CREB5: variants seen among roughly 807,000 people sequenced by gnomAD.
CREB5 encodes the protein cyclic AMP-responsive element-binding protein 5.
Under a neutral mutation model 57.1 loss-of-function variants are expected in CREB5, and 19 were observed. That is an observed-to-expected ratio of 0.33 (90% CI 0.23 to 0.49). The LOEUF (loss-of-function observed/expected upper bound fraction) is 0.49, where lower values mean the gene tolerates loss of function less well. Among genes scored for constraint, CREB5 ranks in the 20% least tolerant of loss-of-function variants. The pLI, the probability that CREB5 is intolerant of heterozygous loss-of-function variation, is 0.99. For missense variants in CREB5, 579 were observed against 671.6 expected, an observed-to-expected ratio of 0.86 and a Z score of 1.52; for synonymous variants, 238 against 238.3, an observed-to-expected ratio of 1.00 and a Z score of 0.01.
rs75179420 is a variant in CREB5, at chr7:28,532,255, G to A, written c.291+24518G>A. Among the ~76,000 whole-genome samples the A allele has an allele frequency of 4.2e-4, 64 of 152,170 alleles. No individual in the cohort carries two copies. In the East Asian group the frequency reaches 0.012, roughly 28 times the overall value. On this transcript the variant is annotated intron_variant, in intron 4 of 10. Transcript: ENST00000357727. Reference sequence around the variant, plus strand: ...TCTTGGAAGCAGATCCTCCAGTCCCGGTCAAACCTTCAGATGAATATAGCC... The same window carrying A: ...TCTTGGAAGCAGATCCTCCAGTCCCAGTCAAACCTTCAGATGAATATAGCC...
chr7:28,815,058 G>T (rs554244751), intron 9 of CREB5, among the ~76,000 whole-genome samples: 1 of 152,266 alleles, frequency 6.6e-6, no homozygotes, highest in African/African-American at 2.4e-5. Context: ...ATCACTTGAG[G>T]CCAGGAGTTC....
chr7:28,548,198 C>T (rs944126637), intron 4 of CREB5, among the ~76,000 whole-genome samples: 11 of 152,044 alleles, frequency 7.2e-5, no homozygotes, highest in East Asian at 1.9e-4. Context: ...AACATTGGGC[C>T]ATTGGTGGGA....
rs780257117 is a variant in CREB5, at chr7:28,804,485, C to T, written c.989C>T (p.Ser330Leu). The T allele has an allele frequency of 2.5e-6, 4 of 1,614,138 alleles. No individual in the cohort carries two copies. The highest frequency in any genetic ancestry group is 2.5e-6 in the Non-Finnish European group (3 of 1,180,012). Residue 330 changes from serine (S) to leucine (L), a missense_variant, in exon 8 of 11, where the codon TCG becomes TTG. Around this residue, in one of 3 missense-constraint regions of CREB5, gnomAD observed 459 missense variants for 515.7 expected, o/e 0.89. Transcript: ENST00000357727. ...LHAHPAHHQT[S>L]PHPPLHTGNQ... Reference sequence around the variant, plus strand: ...GCACACCCAGCACATCACCAGACCTCGCCACATCCGCCCCTGCACACCGGC... The same window carrying T: ...GCACACCCAGCACATCACCAGACCTTGCCACATCCGCCCCTGCACACCGGC...
At chr7:28,580,423 C>G (rs1038892908) in intron 5 of CREB5, among the ~76,000 whole-genome samples, 12 of 87,298 alleles carry the variant, frequency 1.4e-4, no homozygotes, top group African/African-American at 5.0e-4. Flanking sequence ...TCCCAATCCC[C>G]CCCCACCACA....
Position 28,718,832 on chromosome 7 carries a change from A to T in CREB5, c.544A>T (p.Thr182Ser). ...GCCCATGCCAGCCTCCATGCCTGGG[A>T]CCCTGCCCAACCCTACAATGCCAGG... ...RQPMPASMPG[T>S]LPNPTMPGSS... is the part of the protein sequence containing the mutation. The change falls in exon 6 of 11, where the codon ACC becomes TCC. Residue 182 changes from threonine (T) to serine (S), a missense_variant. Thr to Ser is a moderately conservative substitution (Grantham distance 58). This residue lies in a region of CREB5 where 459 missense variants were observed against 515.7 expected (regional missense o/e 0.89). Coordinates refer to ENST00000357727, the MANE Select transcript of CREB5 (RefSeq NM_182898.4). The T allele has an allele frequency of 6.2e-7, 1 of 1,613,508 alleles. No individual in the cohort carries two copies. The highest frequency in any genetic ancestry group is 1.1e-5 in the South Asian group (1 of 91,038).
chr7:28,634,577 C>A (rs998265689), intron 5 of CREB5, among the ~76,000 whole-genome samples: 1 of 152,126 alleles, frequency 6.6e-6, no homozygotes. Context: ...CAAGCCCTCC[C>A]CTGTGTATCA....
chr7:28,764,922 C>A (rs924604047), intron 7 of CREB5, among the ~76,000 whole-genome samples: 3 of 152,134 alleles, frequency 2.0e-5, no homozygotes, highest in African/African-American at 7.2e-5. Context: ...TCTTAGGTGA[C>A]CACAGTTTTG....
intron 1 of CREB5, among the ~76,000 whole-genome samples, chr7:28,300,082 AT>A (rs1785074715): frequency 6.9e-6 from 1 of 144,358 alleles, no homozygotes; most frequent in Non-Finnish European, 1.5e-5. Context: ...TTATTTATTT[AT>A]TTATTTATTT....
At chr7:28,521,770 T>A (rs1281245023) in intron 4 of CREB5, among the ~76,000 whole-genome samples, 1 of 152,132 alleles carries the variant, frequency 6.6e-6, no homozygotes, top group Non-Finnish European at 1.5e-5. Flanking sequence ...AGAAGGGCTG[T>A]TTTTAAGTGC....
At chr7:28,655,365 G>A (rs1305374969) in intron 5 of CREB5, among the ~76,000 whole-genome samples, 1 of 152,182 alleles carries the variant, frequency 6.6e-6, no homozygotes, top group Non-Finnish European at 1.5e-5. Flanking sequence ...CTAGCCCTTT[G>A]GGAGGCCTAG....
intron 1 of CREB5, among the ~76,000 whole-genome samples, chr7:28,303,592 T>A (rs1785138199): frequency 6.6e-6 from 1 of 152,224 alleles, no homozygotes; most frequent in Admixed American, 6.5e-5. Context: ...CACAAATATT[T>A]GCATGGTTGC....
In CREB5 at chr7:28,824,366, T is replaced by C. The variant is rs1809949936; in HGVS notation, c.*5087T>C. 1 of 152,686 alleles carries C rather than the reference T, an allele frequency of 6.5e-6. No individual in the cohort carries two copies. The highest frequency in any genetic ancestry group is 2.4e-5 in the African/African-American group (1 of 41,482). The allele number at this position is 152,686 out of a possible 1,614,324, so 9.5% of individuals were successfully genotyped here. On this transcript the variant is annotated 3_prime_UTR_variant, in exon 11 of 11. Transcript: ENST00000357727. Reference sequence around the variant, plus strand: ...TGTCCTGAATAAGCCAGGAGACTTATTCTTTTGTGCACCCTGGTGCACATC... The same window carrying C: ...TGTCCTGAATAAGCCAGGAGACTTACTCTTTTGTGCACCCTGGTGCACATC...
At chr7:28,652,538 G>T (rs1439891537) in intron 5 of CREB5, among the ~76,000 whole-genome samples, 6 of 152,190 alleles carry the variant, frequency 3.9e-5, no homozygotes, top group Non-Finnish European at 8.8e-5. Context: ...GAGTGGGTCT[G>T]AATTCTGTCT....
chr7:28,451,245 T>A (rs904026050), intron 1 of CREB5, among the ~76,000 whole-genome samples: 2 of 152,192 alleles, frequency 1.3e-5, no homozygotes, highest in African/African-American at 4.8e-5. Context: ...TTCATTGCAA[T>A]AACTTGACTG....
chr7:28,537,080 A>C (rs1793990965), intron 4 of CREB5, among the ~76,000 whole-genome samples: 1 of 152,200 alleles, frequency 6.6e-6, no homozygotes, highest in Non-Finnish European at 1.5e-5. Context: ...AGATGGGAGG[A>C]TTGGCTCCAT....
At chr7:28,388,950 TG>T (rs1787160493) in intron 1 of CREB5, among the ~76,000 whole-genome samples, 1 of 152,236 alleles carries the variant, frequency 6.6e-6, no homozygotes, top group Non-Finnish European at 1.5e-5. Flanking sequence ...AAGGCTGTGG[TG>T]ACATGTGTAG....
chr7:28,519,829 C>T (rs778251536), intron 4 of CREB5, among the ~76,000 whole-genome samples: 2 of 152,192 alleles, frequency 1.3e-5, no homozygotes, highest in Non-Finnish European at 2.9e-5. Context: ...ACATTTTGCT[C>T]TTCTTAAATT....
At chr7:28,621,666 A>G (rs1797796559) in intron 5 of CREB5, among the ~76,000 whole-genome samples, 1 of 152,168 alleles carries the variant, frequency 6.6e-6, no homozygotes, top group Non-Finnish European at 1.5e-5. Context: ...ATGCCAGCCC[A>G]TGATCTCACT....
intron 1 of CREB5, chr7:28,435,535 C>A: frequency 1.5e-6 from 1 of 680,472 alleles, no homozygotes; most frequent in Non-Finnish European, 1.8e-6. Context: ...ATATAACCAG[C>A]CTCTTAAATT....
Sources: gnomAD v4.1 joint callset for allele counts (sites outside exome capture counted in the v4.1 genomes callset) on GRCh38, gnomAD v4.1.1 for gene constraint, gnomAD v4.1.1 regional missense constraint, MANE v1.5 for transcripts, NCBI Gene and HGNC (gene_info 2026-07-23, HGNC 2026-07-21) for gene names.